LHFPL3: variants seen among roughly 807,000 people sequenced by gnomAD.
LHFPL3 encodes LHFPL tetraspan subfamily member 3 protein.
LHFPL3 carries 5 observed loss-of-function variants against 19.3 expected under a neutral mutation model. The observed-to-expected ratio is 0.26, with a 90% CI of 0.14 to 0.54. The LOEUF (loss-of-function observed/expected upper bound fraction) is 0.54, where lower values mean the gene tolerates loss of function less well. LHFPL3 is among the 20% of genes least tolerant of loss of function. The probability of loss-of-function intolerance (pLI) is 0.94; values close to 1 mark genes in which losing one functional copy is unlikely to be tolerated. For synonymous variants in LHFPL3, 133 were observed against 126.2 expected (o/e 1.05, Z -0.36); for missense variants, 249 against 307.4 (o/e 0.81, Z 1.42).
At chr7:104,521,782 A>G (rs888559268) in intron 1 of LHFPL3, among the ~76,000 whole-genome samples, 2 of 152,240 alleles carry the variant, frequency 1.3e-5, no homozygotes, top group African/African-American at 2.4e-5. Flanking sequence ...AAACACATGA[A>G]AAAATGCTCA....
rs1163441232 is a variant in LHFPL3 at position 104,867,065 on chromosome 7, A to G, written c.683-39122A>G. On this transcript the variant is annotated intron_variant, in intron 2 of 2. Transcript: ENST00000424859. ...CACAACATACCAGAATCTCTGGGAC[A>G]CATTCAAAGCAGTGTGTAGAGGGAA... Among the ~76,000 whole-genome samples the G allele has an allele frequency of 3.9e-5, 6 of 152,234 alleles. No homozygotes were observed. The East Asian group carries it at 1.2e-3, about 29-fold the overall frequency.
At chr7:104,483,170 A>C (rs777639718) in intron 1 of LHFPL3, among the ~76,000 whole-genome samples, 6 of 152,234 alleles carry the variant, frequency 3.9e-5, no homozygotes, top group Non-Finnish European at 7.3e-5. Flanking sequence ...TCATTCCTCC[A>C]ACTGATCGAT....
At chr7:104,509,325 C>T (rs1174108897) in intron 1 of LHFPL3, among the ~76,000 whole-genome samples, 1 of 150,998 alleles carries the variant, frequency 6.6e-6, no homozygotes, top group Non-Finnish European at 1.5e-5. Context: ...TGAATATCAA[C>T]TCAAAAGTCC....
intron 1 of LHFPL3, among the ~76,000 whole-genome samples, chr7:104,512,194 A>G (rs1793830080): frequency 6.6e-6 from 1 of 151,834 alleles, no homozygotes; most frequent in South Asian, 2.1e-4. Flanking sequence ...GCCTCAAGTG[A>G]TCCACCCGCC....
chr7:104,440,725 C>G (rs190131562), intron 1 of LHFPL3, among the ~76,000 whole-genome samples: 2 of 152,024 alleles, frequency 1.3e-5, no homozygotes, highest in Non-Finnish European at 1.5e-5. Flanking sequence ...ACATAGATTA[C>G]GTAAATCAAC....
intron 1 of LHFPL3, among the ~76,000 whole-genome samples, chr7:104,602,717 A>T (rs1790993381): frequency 6.6e-6 from 1 of 152,216 alleles, no homozygotes; most frequent in Non-Finnish European, 1.5e-5. Flanking sequence ...TAATATACGG[A>T]ATACCACAGA....
At chr7:104,756,466 A>G (rs944427879) in intron 2 of LHFPL3, among the ~76,000 whole-genome samples, 1 of 152,098 alleles carries the variant, frequency 6.6e-6, no homozygotes, top group African/African-American at 2.4e-5. Context: ...TGAAATGTGT[A>G]TCTATATTAC....
intron 1 of LHFPL3, among the ~76,000 whole-genome samples, chr7:104,408,040 G>A (rs2116506080): frequency 6.6e-6 from 1 of 152,188 alleles, no homozygotes; most frequent in South Asian, 2.1e-4. Flanking sequence ...CCCTCAGATG[G>A]TAGGACTAGG....
At chr7:104,678,550 C>T (rs937270525) in intron 1 of LHFPL3, among the ~76,000 whole-genome samples, 23 of 151,990 alleles carry the variant, frequency 1.5e-4, no homozygotes, top group African/African-American at 5.3e-4. Flanking sequence ...TCAAAAAGAA[C>T]CTACTACTTT....
At chr7:104,430,417 T>C (rs1173764574) in intron 1 of LHFPL3, among the ~76,000 whole-genome samples, 9 of 22,648 alleles carry the variant, frequency 4.0e-4, no homozygotes, top group South Asian at 1.6e-3. Flanking sequence ...TATATATATA[T>C]ACATATATAT....
intron 1 of LHFPL3, among the ~76,000 whole-genome samples, chr7:104,415,315 C>T (rs1343630891): frequency 1.3e-5 from 2 of 152,170 alleles, no homozygotes; most frequent in Admixed American, 6.5e-5. Flanking sequence ...CTTAATTATA[C>T]TGTGAATGAT....
intron 2 of LHFPL3, among the ~76,000 whole-genome samples, chr7:104,842,304 G>T (rs1386750212): frequency 2.3e-5 from 3 of 133,230 alleles, no homozygotes; most frequent in Non-Finnish European, 3.2e-5. Context: ...GTGGGGGGGT[G>T]GGGGGAGGCT....
chr7:104,374,653 G>T (rs967046179), intron 1 of LHFPL3, among the ~76,000 whole-genome samples: 7 of 152,122 alleles, frequency 4.6e-5, no homozygotes, highest in African/African-American at 1.4e-4. Context: ...GGGGTTGCCT[G>T]GGGTGTTAGA....
At chr7:104,762,492 G>C (rs1255282487) in intron 2 of LHFPL3, among the ~76,000 whole-genome samples, 1 of 152,178 alleles carries the variant, frequency 6.6e-6, no homozygotes, top group African/African-American at 2.4e-5. Flanking sequence ...AAGGGCAGGA[G>C]GGGTAAGGCA....
At chr7:104,856,544 G>A (rs1304415360) in intron 2 of LHFPL3, among the ~76,000 whole-genome samples, 4 of 152,064 alleles carry the variant, frequency 2.6e-5, no homozygotes, top group East Asian at 1.9e-4. Context: ...CACTGAGCCC[G>A]GCCAACTCTA....
chr7:104,665,601 T>C (rs1304878639), intron 1 of LHFPL3, among the ~76,000 whole-genome samples: 1 of 152,230 alleles, frequency 6.6e-6, no homozygotes, highest in Admixed American at 6.5e-5. Context: ...GCAAGAGCTA[T>C]GATTATAGAT....
Position 104,754,323 on chromosome 7 carries a change from T to C in LHFPL3, c.682+17412T>C, listed in dbSNP as rs1020103113. On this transcript the variant is annotated intron_variant, in intron 2 of 2. Transcript: ENST00000424859. ...ACCATCTTCACTGTGCAAAAAATAT[T>C]CACATAAAAATATATACGTTAATGG... 5.3e-5 allele frequency among the ~76,000 whole-genome samples: 8 copies of C among 152,200 alleles called. No individual in the cohort carries two copies. In the East Asian group the frequency reaches 1.3e-3, roughly 26 times the overall value.
chr7:104,582,362 A>G (rs969460207), intron 1 of LHFPL3, among the ~76,000 whole-genome samples: 36 of 151,952 alleles, frequency 2.4e-4, no homozygotes, highest in Admixed American at 1.4e-3. Flanking sequence ...TAATAATTGT[A>G]TTTAGAATTC....
At chr7:104,459,954 C>T (rs991793463) in intron 1 of LHFPL3, among the ~76,000 whole-genome samples, 2 of 152,046 alleles carry the variant, frequency 1.3e-5, no homozygotes, top group Admixed American at 1.3e-4. Context: ...ACTTCATCAC[C>T]CAGGTGCTAA....
Sources: allele counts gnomAD v4.1 joint callset (sites outside exome capture counted in the v4.1 genomes callset), GRCh38; gene constraint gnomAD v4.1.1; transcripts MANE v1.5; gene names NCBI Gene and HGNC (gene_info 2026-07-23, HGNC 2026-07-21).